Variants in RPA3 observed in about 807,000 individuals in gnomAD.
The protein encoded by RPA3 is replication protein A3.
A neutral mutation model predicts 13.7 loss-of-function variants in RPA3; 24 were observed. That is an observed-to-expected ratio of 1.75 (90% CI 1.27 to 2.46). The LOEUF is 2.46. Among genes scored for constraint, RPA3 ranks in the 30% most tolerant of loss-of-function variants. The pLI is 0.00. For missense variants in RPA3, 183 were observed against 151.0 expected, an observed-to-expected ratio of 1.21 and a Z score of -1.11; for synonymous variants, 59 against 51.2, an observed-to-expected ratio of 1.15 and a Z score of -0.65.
intron 4 of RPA3, among the ~76,000 whole-genome samples, chr7:7,655,819 GTCTC>G (rs146375851): frequency 2.7e-5 from 4 of 150,182 alleles, no homozygotes; most frequent in Non-Finnish European, 4.4e-5. Flanking sequence ...ATTTAGGACA[GTCTC>G]TCTCTCTCTC....
intron 4 of RPA3, among the ~76,000 whole-genome samples, chr7:7,682,709 A>T (rs1779943331): frequency 6.6e-6 from 1 of 152,210 alleles, no homozygotes; most frequent in Non-Finnish European, 1.5e-5. Context: ...TTAAAAAGTA[A>T]CTTACCCTAT....
chr7:7,705,983 A>G (rs1780589768), intron 2 of RPA3, among the ~76,000 whole-genome samples: 1 of 152,166 alleles, frequency 6.6e-6, no homozygotes, highest in Non-Finnish European at 1.5e-5. Context: ...TTAAAAAGGT[A>G]TGTGTACTCT....
intron 1 of RPA3, among the ~76,000 whole-genome samples, chr7:7,715,544 T>C (rs368475432): frequency 7.9e-5 from 12 of 152,180 alleles, no homozygotes; most frequent in African/African-American, 2.9e-4. Context: ...CTAGGTGCTG[T>C]GCTGGGTGTT....
chr7:7,652,209 G>A (rs147805451), intron 4 of RPA3, among the ~76,000 whole-genome samples: 1 of 152,134 alleles, frequency 6.6e-6, no homozygotes, highest in Non-Finnish European at 1.5e-5. Flanking sequence ...TACATTGCTC[G>A]TTTGCTCACT....
At chr7:7,713,326 AGAGT>A (rs1050801777) in intron 2 of RPA3, among the ~76,000 whole-genome samples, 22 of 152,070 alleles carry the variant, frequency 1.4e-4, no homozygotes, top group African/African-American at 4.3e-4. Flanking sequence ...CCTGGGTGAC[AGAGT>A]GAGACTCCAT....
At chr7:7,663,170 A>G (rs1044597558) in intron 4 of RPA3, among the ~76,000 whole-genome samples, 8 of 93,476 alleles carry the variant, frequency 8.6e-5, no homozygotes, top group Admixed American at 2.7e-4. Context: ...TTTTCTTCCT[A>G]TTTCATTCCA....
rs895707582 is a variant in RPA3 at position 7,640,419 on chromosome 7, G to A, written c.-1C>T. The A allele has an allele frequency of 1.2e-6, 2 of 1,613,882 alleles. No homozygotes were observed. The highest frequency in any genetic ancestry group is 3.3e-5 in the Admixed American group (2 of 60,020). ...TGGGCAAGTCCATCATGTCCACCAT[G>A]ATTATGGTCCAAGACTGCGGCTGGC... On this transcript the variant is annotated 5_prime_UTR_variant, in exon 5 of 8. Transcript: ENST00000223129.
chr7:7,643,885 T>TG (rs1785035513), intron 4 of RPA3, among the ~76,000 whole-genome samples: 1 of 152,172 alleles, frequency 6.6e-6, no homozygotes. Flanking sequence ...GGAACTTGCC[T>TG]GGGTCTCTGT....
At position 7,685,971 on chromosome 7, in the gene RPA3, G is replaced by C. The variant is rs899543330; in HGVS notation, c.-899C>G. On this transcript the variant is annotated 5_prime_UTR_variant, in exon 4 of 8. Transcript: ENST00000223129. ...GGTGCTCTCCTGCTTGGTTAGGGATGCTCCAGATTCCTGGGCCTTGCCCAC... is the reference window on the plus strand; with the variant it reads ...GGTGCTCTCCTGCTTGGTTAGGGATCCTCCAGATTCCTGGGCCTTGCCCAC... The C allele has an allele frequency of 1.3e-5, 2 of 152,306 alleles. No homozygotes were observed. Among genetic ancestry groups the C allele is most frequent in the African/African-American group, 2.4e-5 (1 of 41,566 alleles). The allele number at this position is 152,306 out of a possible 1,614,324, so 9.4% of individuals were successfully genotyped here. A position where few individuals can be genotyped will look rare whatever the true frequency, so the allele number is the denominator to read the frequency against.
intron 4 of RPA3, among the ~76,000 whole-genome samples, chr7:7,684,880 C>T (rs532582216): frequency 1.3e-5 from 2 of 152,210 alleles, no homozygotes; most frequent in East Asian, 1.9e-4. Flanking sequence ...GTACTATTTC[C>T]TTGAAGGGTG....
intron 4 of RPA3, among the ~76,000 whole-genome samples, chr7:7,649,068 GAA>G (rs1420880748): frequency 6.9e-6 from 1 of 145,034 alleles, no homozygotes; most frequent in Non-Finnish European, 1.5e-5. Flanking sequence ...TGAGGCAGGA[GAA>G]TCGCTTGAAC....
In RPA3 at chr7:7,691,860, T is replaced by C. The variant is rs534545839; in HGVS notation, c.-1027-4532A>G. On this transcript the variant is annotated intron_variant, in intron 2 of 7. Transcript: ENST00000223129. Reference sequence around the variant, plus strand: ...CTGCCAAACAAAAGTCATGAAGATTTTTTAGTTAAAATTTTATCTGGCTAG... The same window carrying C: ...CTGCCAAACAAAAGTCATGAAGATTCTTTAGTTAAAATTTTATCTGGCTAG... 5.3e-5 allele frequency among the ~76,000 whole-genome samples: 8 copies of C among 152,328 alleles called. No individual in the cohort carries two copies. The South Asian group carries it at 1.7e-3, about 32-fold the overall frequency.
chr7:7,698,797 G>A (rs1273066613), intron 2 of RPA3, among the ~76,000 whole-genome samples: 1 of 151,582 alleles, frequency 6.6e-6, no homozygotes, highest in East Asian at 1.9e-4. Flanking sequence ...TCATCTCAAA[G>A]TGATTTGGAG....
Position 7,663,851 on chromosome 7 carries a change from A to G in RPA3, c.-758+21979T>C, listed in dbSNP as rs574701489. ...ATCAGTTTTATACAACTGATCTCCT[A>G]TTCCTACAGATTTATAAAATAGCCT... On this transcript the variant is annotated intron_variant, in intron 4 of 7. Transcript: ENST00000223129. Among the ~76,000 whole-genome samples, 404 of 152,338 alleles carry G rather than the reference A, an allele frequency of 2.7e-3. 3 individuals are homozygous for G. The highest frequency in any genetic ancestry group is 9.3e-3 in the African/African-American group (386 of 41,572).
chr7:7,659,967 G>C (rs535413417), intron 4 of RPA3, among the ~76,000 whole-genome samples: 27 of 152,186 alleles, frequency 1.8e-4, no homozygotes, highest in African/African-American at 6.5e-4. Context: ...AGAACTTGCT[G>C]TATGAATCTG....
intron 2 of RPA3, among the ~76,000 whole-genome samples, chr7:7,695,281 C>T (rs1430997323): frequency 6.6e-6 from 1 of 152,126 alleles, no homozygotes; most frequent in African/African-American, 2.4e-5. Flanking sequence ...CAACATTTTC[C>T]CCACCACAGT....
chr7:7,679,732 A>C (rs895226168), intron 4 of RPA3, among the ~76,000 whole-genome samples: 3 of 134,178 alleles, frequency 2.2e-5, no homozygotes, highest in Non-Finnish European at 4.9e-5. Flanking sequence ...ATATATATAT[A>C]CACACACACA....
intron 4 of RPA3, among the ~76,000 whole-genome samples, chr7:7,668,417 G>T (rs1563103188): frequency 6.6e-6 from 1 of 151,820 alleles, no homozygotes; most frequent in Non-Finnish European, 1.5e-5. Flanking sequence ...AGAGAGAGGG[G>T]GACCATATTC....
chr7:7,661,989 T>C (rs147900730), intron 4 of RPA3, among the ~76,000 whole-genome samples: 2,750 of 152,262 alleles, frequency 0.018, 81 homozygotes, highest in African/African-American at 0.061. Context: ...GCTGCCTTTC[T>C]TTCAGAGATG....
Sources: gnomAD v4.1 joint callset for allele counts (sites outside exome capture counted in the v4.1 genomes callset) on GRCh38, gnomAD v4.1.1 for gene constraint, MANE v1.5 for transcripts, NCBI Gene and HGNC (gene_info 2026-07-23, HGNC 2026-07-21) for gene names.